Variants in OR4D1 observed in about 807,000 individuals in gnomAD.
OR4D1 encodes olfactory receptor 4D1.
OR4D1 carries 10 observed loss-of-function variants against 14.2 expected under a neutral mutation model. That is an observed-to-expected ratio of 0.71 (90% CI 0.44 to 1.20). The LOEUF is 1.20. OR4D1 is among the 50% of genes most tolerant of loss of function. The pLI, the probability that OR4D1 is intolerant of heterozygous loss-of-function variation, is 0.00. For missense variants in OR4D1, 345 were observed against 376.6 expected (o/e 0.92, Z 0.70); for synonymous variants, 141 against 147.4 (o/e 0.96, Z 0.32).
rs1440254034 is a variant in OR4D1, at chr17:58,157,522, C to T, written c.*1436C>T. 16 of 1,340,174 alleles carry T rather than the reference C, an allele frequency of 1.2e-5. No homozygotes were observed. In the Middle Eastern group the frequency reaches 5.4e-4, roughly 45 times the overall value. The allele number at this position is 1,340,174 out of a possible 1,614,324, so 83.0% of individuals were successfully genotyped here. On this transcript the variant is annotated 3_prime_UTR_variant, in exon 4 of 4. Coordinates refer to ENST00000268912, the MANE Select transcript of OR4D1 (RefSeq NM_001386095.1). ...ACCTCTCCATTGCAGAGGGTGCGGA[C>T]TTCTCCAGCTCTCCGAACCTCACGG...
rs573194435 is a variant in OR4D1 at position 58,157,692 on chromosome 17, A to G, written c.*1606A>G. 4.3e-6 allele frequency: 7 copies of G among 1,613,954 alleles called. No homozygotes were observed. Among genetic ancestry groups the G allele is most frequent in the African/African-American group, 2.7e-5 (2 of 75,056 alleles). The stretch of plus-strand genomic sequence containing the variant: ...CCTTTCCCCATCAGCTCGCCCCTGC[A>G]GGCAGCGTCCATATACGCAGCATCC... On this transcript the variant is annotated 3_prime_UTR_variant, in exon 4 of 4. Coordinates refer to ENST00000268912, the MANE Select transcript of OR4D1 (RefSeq NM_001386095.1).
Position 58,157,427 on chromosome 17 carries a change from C to A in OR4D1, c.*1341C>A. The A allele has an allele frequency of 8.8e-7, 1 of 1,142,274 alleles. No individual in the cohort carries two copies. The highest frequency in any genetic ancestry group is 1.3e-6 in the Non-Finnish European group (1 of 765,414). The allele number at this position is 1,142,274 out of a possible 1,614,324, so 70.8% of individuals were successfully genotyped here. A position where few individuals can be genotyped will look rare whatever the true frequency, so the allele number is the denominator to read the frequency against. ...CACCCTGAGAAAACACAAGACCAAT[C>A]CGAAGCCGCGCACAGCCTTTACCAC... On this transcript the variant is annotated 3_prime_UTR_variant, in exon 4 of 4. Coordinates refer to ENST00000268912, the MANE Select transcript of OR4D1 (RefSeq NM_001386095.1).
chr17:58,151,743 A>G (rs1967707237), intron 2 of OR4D1, among the ~76,000 whole-genome samples: 1 of 152,242 alleles, frequency 6.6e-6, no homozygotes, highest in African/African-American at 2.4e-5. Flanking sequence ...ATTTCATCCC[A>G]TGGAGGAACC....
At chr17:58,155,055 C>T in intron 3 of OR4D1, 80 bp from the exon 4 acceptor site, 1 of 980,672 alleles carries the variant, frequency 1.0e-6, no homozygotes, top group Non-Finnish European at 1.5e-6. Context: ...ACTTAATCAA[C>T]TCAATCCTGA....
intron 2 of OR4D1, among the ~76,000 whole-genome samples, chr17:58,152,143 T>C (rs1967711268): frequency 6.6e-6 from 1 of 152,240 alleles, no homozygotes; most frequent in East Asian, 1.9e-4. Context: ...ATTATATTAT[T>C]ACAGGTGCTT....
At position 58,158,266 on chromosome 17, in the gene OR4D1, T is replaced by C. The variant is rs1567780308; in HGVS notation, c.*2180T>C. 6.6e-6 allele frequency: 1 copy of C among 152,208 alleles called. No individual in the cohort carries two copies. The highest frequency in any genetic ancestry group is 6.5e-5 in the Admixed American group (1 of 15,282). The allele number at this position is 152,208 out of a possible 1,614,324, so 9.4% of individuals were successfully genotyped here. A position where few individuals can be genotyped will look rare whatever the true frequency, so the allele number is the denominator to read the frequency against. On this transcript the variant is annotated 3_prime_UTR_variant, in exon 4 of 4. Transcript: ENST00000268912. ...AACTTGCTAAAGTCAATGATTTTGA[T>C]GGGATGATTGACTTCTGCTTATGGA...
Position 58,155,573 on chromosome 17 carries a change from G to A in OR4D1, c.420G>A (p.Leu140=), listed in dbSNP as rs531270918. Residue 140 remains leucine (L), a synonymous_variant, in exon 4 of 4, where the codon TTG becomes TTA. Coordinates refer to ENST00000268912, the MANE Select transcript of OR4D1 (RefSeq NM_001386095.1). ...LRYVTIMNTQ[L]CVGLVVAAWV... ...ATGTCACCATCATGAACACTCAATTGTGTGTGGGCCTGGTAGTAGCCGCCT... is the reference window on the plus strand; with the variant it reads ...ATGTCACCATCATGAACACTCAATTATGTGTGGGCCTGGTAGTAGCCGCCT... 6.2e-7 allele frequency: 1 copy of A among 1,614,102 alleles called. No homozygotes were observed. The highest frequency in any genetic ancestry group is 1.7e-5 in the Admixed American group (1 of 60,020).
At chr17:58,155,074 G>A (rs8071404) in intron 3 of OR4D1, 61 bp from the exon 4 acceptor site, 103,833 of 1,164,092 alleles carry the variant, frequency 0.089, 5,141 homozygotes, top group South Asian at 0.1. Flanking sequence ...GACTGTCCAA[G>A]GAAAATGATT....
chr17:58,151,692 G>C (rs1322095101), intron 2 of OR4D1, among the ~76,000 whole-genome samples: 5 of 152,174 alleles, frequency 3.3e-5, no homozygotes, highest in Admixed American at 6.5e-5. Context: ...AAATCCCATA[G>C]AGTTAAACAT....
chr17:58,149,029 G>A (rs1432726865), intron 1 of OR4D1, among the ~76,000 whole-genome samples: 1 of 152,110 alleles, frequency 6.6e-6, no homozygotes, highest in African/African-American at 2.4e-5. Context: ...GATGACAACA[G>A]ACTAGATTCT....
chr17:58,156,268 T>G lies in OR4D1; in HGVS notation c.*182T>G. 5 of 559,058 alleles carry G rather than the reference T, an allele frequency of 8.9e-6. No individual in the cohort carries two copies. Among genetic ancestry groups the G allele is most frequent in the Non-Finnish European group, 1.6e-5 (5 of 320,668 alleles). The allele number at this position is 559,058 out of a possible 1,614,324, so 34.6% of individuals were successfully genotyped here. A position where few individuals can be genotyped will look rare whatever the true frequency, so the allele number is the denominator to read the frequency against. On this transcript the variant is annotated 3_prime_UTR_variant, in exon 4 of 4. Coordinates refer to ENST00000268912, the MANE Select transcript of OR4D1 (RefSeq NM_001386095.1). Reference sequence around the variant, plus strand: ...ACGCTTTTTTTCTTTTTTTTTTTTTTTAGATGGAGCCTTGCTCTGTCACCC... The same window carrying G: ...ACGCTTTTTTTCTTTTTTTTTTTTTGTAGATGGAGCCTTGCTCTGTCACCC...
chr17:58,155,952 A>C lies in OR4D1; in HGVS notation c.799A>C (p.Met267Leu), dbSNP rs1967765939. ...TACCTGGCCCTTCACCCCATTCCTC[A>C]TGGACAAGGCTGTGTCCATCAGCTA... ...IYTWPFTPFL[M>L]DKAVSISYTV... Residue 267 changes from methionine (M) to leucine (L), a missense_variant, in exon 4 of 4, where the codon ATG becomes CTG. Transcript: ENST00000268912. The C allele has an allele frequency of 6.2e-7, 1 of 1,613,186 alleles. No homozygotes were observed. Among genetic ancestry groups the C allele is most frequent in the African/African-American group, 1.3e-5 (1 of 74,818 alleles).
In OR4D1 at chr17:58,157,536, C is replaced by A; in HGVS notation, c.*1450C>A. On this transcript the variant is annotated 3_prime_UTR_variant, in exon 4 of 4. Transcript: ENST00000268912. ...GAGGGTGCGGACTTCTCCAGCTCTC[C>A]GAACCTCACGGAGACTCAGGTCAAA... 1 of 1,447,562 alleles carries A rather than the reference C, an allele frequency of 6.9e-7. No homozygotes were observed. The highest frequency in any genetic ancestry group is 9.7e-7 in the Non-Finnish European group (1 of 1,029,116). The allele number at this position is 1,447,562 out of a possible 1,614,324, so 89.7% of individuals were successfully genotyped here. A position where few individuals can be genotyped will look rare whatever the true frequency, so the allele number is the denominator to read the frequency against.
Position 58,155,186 on chromosome 17 carries a change from GT to G in OR4D1, c.36del (p.Phe12LeufsTer4), listed in dbSNP as rs1567779412. 6.2e-7 allele frequency: 1 copy of G among 1,614,118 alleles called. No individual in the cohort carries two copies. The highest frequency in any genetic ancestry group is 2.2e-5 in the East Asian group (1 of 44,878). On this transcript the variant is annotated frameshift_variant, in exon 4 of 4. Transcript: ENST00000268912. LOFTEE classifies it high-confidence loss of function. ...EPQNTTQVSM[F>X]VLLGFSQTQE... ...CACAGAACACCACACAGGTATCAAT[GT>G]TTGTCCTCTTAGGGTTTTCACAGAC...
intron 2 of OR4D1, among the ~76,000 whole-genome samples, chr17:58,152,162 G>A (rs1377757760): frequency 1.3e-5 from 2 of 152,074 alleles, no homozygotes; most frequent in East Asian, 1.9e-4. Context: ...TTGCCACCAC[G>A]CCTAGCTAAT....
At position 58,156,983 on chromosome 17, in the gene OR4D1, A is replaced by T; in HGVS notation, c.*897A>T. On this transcript the variant is annotated 3_prime_UTR_variant, in exon 4 of 4. Coordinates refer to ENST00000268912, the MANE Select transcript of OR4D1 (RefSeq NM_001386095.1). ...AGTCGCCGCTGCGGGTTGCTAGCGG[A>T]GTCGCGCGTCGGGAGCTACGTAGGG... 1.4e-6 allele frequency: 1 copy of T among 735,106 alleles called. No homozygotes were observed. The allele number at this position is 735,106 out of a possible 1,614,324, so 45.5% of individuals were successfully genotyped here.
Position 58,157,652 on chromosome 17 carries a change from T to G in OR4D1, c.*1566T>G. The G allele has an allele frequency of 6.2e-7, 1 of 1,613,816 alleles. No individual in the cohort carries two copies. Among genetic ancestry groups the G allele is most frequent in the South Asian group, 1.1e-5 (1 of 91,054 alleles). On this transcript the variant is annotated 3_prime_UTR_variant, in exon 4 of 4. Coordinates refer to ENST00000268912, the MANE Select transcript of OR4D1 (RefSeq NM_001386095.1). ...AATGGCTGCAAAACCTATGCTACCC[T>G]CCAGCTTCAGTCTCCCTTTCCCCAT... is the stretch of plus-strand genomic sequence containing the variant.
chr17:58,158,401 A>T lies in OR4D1; in HGVS notation c.*2315A>T, dbSNP rs957142844. The stretch of plus-strand genomic sequence containing the variant: ...TTCTGCATTTTACTTGCATTAAAAG[A>T]AACCTTTTTATATACTACCATATTT... On this transcript the variant is annotated 3_prime_UTR_variant, in exon 4 of 4. Transcript: ENST00000268912. 27 of 152,092 alleles carry T rather than the reference A, an allele frequency of 1.8e-4. No individual in the cohort carries two copies. Among genetic ancestry groups the T allele is most frequent in the African/African-American group, 6.5e-4 (27 of 41,398 alleles). 9.4% of individuals were successfully genotyped at this position (152,092 alleles called of 1,614,324 possible). A position where few individuals can be genotyped will look rare whatever the true frequency, so the allele number is the denominator to read the frequency against.
In OR4D1 at chr17:58,157,848, A is replaced by C; in HGVS notation, c.*1762A>C. 1.3e-6 allele frequency: 2 copies of C among 1,559,180 alleles called. No homozygotes were observed. Among genetic ancestry groups the C allele is most frequent in the African/African-American group, 1.3e-5 (1 of 74,236 alleles). ...ACTCCATGATGGATGTTTGTTTCAA[A>C]GGGTTTCCTCTCCCTCTCCAAGAAG... is the stretch of plus-strand genomic sequence containing the variant. On this transcript the variant is annotated 3_prime_UTR_variant, in exon 4 of 4. Coordinates refer to ENST00000268912, the MANE Select transcript of OR4D1 (RefSeq NM_001386095.1).
Sources: gnomAD v4.1 joint callset for allele counts (sites outside exome capture counted in the v4.1 genomes callset) on GRCh38, gnomAD v4.1.1 for gene constraint, MANE v1.5 for transcripts, NCBI Gene and HGNC (gene_info 2026-07-23, HGNC 2026-07-21) for gene names.